Variants in TMEM43 observed in about 807,000 individuals in gnomAD.
TMEM43 encodes arrhythmogenic right ventricular dysplasia 5.
Under a neutral mutation model 49.6 loss-of-function variants are expected in TMEM43, and 45 were observed. That is an observed-to-expected ratio of 0.91 (90% CI 0.71 to 1.16). TMEM43 has a LOEUF of 1.16. Ranked by LOEUF, TMEM43 falls within the 50% of genes most tolerant of loss-of-function variation. The probability of loss-of-function intolerance (pLI) is 0.00; values close to 1 mark genes in which losing one functional copy is unlikely to be tolerated. For missense variants in TMEM43, 532 were observed against 516.6 expected, an observed-to-expected ratio of 1.03 and a Z score of -0.29; for synonymous variants, 199 against 207.8, an observed-to-expected ratio of 0.96 and a Z score of 0.36.
At chr3:14,133,197 C>T (rs899807606) in intron 6 of TMEM43, among the ~76,000 whole-genome samples, 8 of 152,106 alleles carry the variant, frequency 5.3e-5, no homozygotes, top group African/African-American at 1.4e-4. Context: ...CACACGGGGC[C>T]GGGGAAGCAT....
At chr3:14,141,050 C>T (rs910677478) in intron 11 of TMEM43, among the ~76,000 whole-genome samples, 1 of 152,210 alleles carries the variant, frequency 6.6e-6, no homozygotes, top group Non-Finnish European at 1.5e-5. Context: ...TCCTATTGGA[C>T]CAATAGTCTG....
rs2733579 is a variant in TMEM43, at chr3:14,125,335, C to T, written c.12+130C>T. On this transcript the variant is annotated intron_variant, in intron 1 of 11. Transcript: ENST00000306077. Reference sequence around the variant, plus strand: ...GCGGCTAGGCCCGCATCTCCCTCTGCTCGCCGTGTCTGTGCCTTCGCCAGC... The same window carrying T: ...GCGGCTAGGCCCGCATCTCCCTCTGTTCGCCGTGTCTGTGCCTTCGCCAGC... The T allele has an allele frequency of 0.15, 165,934 of 1,132,824 alleles. 15,210 individuals carry two copies. The highest frequency in any genetic ancestry group is 0.39 in the African/African-American group (25,630 of 65,050). The allele number at this position is 1,132,824 out of a possible 1,614,324, so 70.2% of individuals were successfully genotyped here.
intron 1 of TMEM43, among the ~76,000 whole-genome samples, chr3:14,126,273 A>G (rs1695020065): frequency 6.6e-6 from 1 of 152,190 alleles, no homozygotes; most frequent in Non-Finnish European, 1.5e-5. Context: ...CCTCAGAGGT[A>G]TTCGGAGAGA....
chr3:14,127,624 C>T (rs113354931), intron 1 of TMEM43, among the ~76,000 whole-genome samples: 8 of 152,230 alleles, frequency 5.3e-5, no homozygotes, highest in East Asian at 3.9e-4. Flanking sequence ...TATGACATCC[C>T]GCTCTTTGGG....
intron 7 of TMEM43, 25 bp from the exon 8 acceptor site, chr3:14,134,745 T>C: frequency 1.2e-6 from 2 of 1,613,832 alleles, no homozygotes; most frequent in Non-Finnish European, 1.7e-6. Flanking sequence ...GTCCCCTGGG[T>C]TTCTAACCAC....
At chr3:14,138,317 G>C (rs1363415971) in intron 10 of TMEM43, among the ~76,000 whole-genome samples, 2 of 152,178 alleles carry the variant, frequency 1.3e-5, no homozygotes, top group Non-Finnish European at 2.9e-5. Flanking sequence ...TGTCCGGGGG[G>C]TGTGGCAGGG....
intron 2 of TMEM43, among the ~76,000 whole-genome samples, chr3:14,130,460 A>T (rs1695077948): frequency 6.6e-6 from 1 of 151,928 alleles, no homozygotes; most frequent in Non-Finnish European, 1.5e-5. Flanking sequence ...ACATAGCAAG[A>T]CCCCATTTCT....
chr3:14,125,405 C>G (rs1695005159), intron 1 of TMEM43, among the ~76,000 whole-genome samples, 200 bp downstream of exon 1: 1 of 152,232 alleles, frequency 6.6e-6, no homozygotes, highest in Non-Finnish European at 1.5e-5. Context: ...TTCTTTTGTC[C>G]GTGTTCCTTG....
chr3:14,126,204 C>T (rs1695019073), intron 1 of TMEM43, among the ~76,000 whole-genome samples: 1 of 152,212 alleles, frequency 6.6e-6, no homozygotes, highest in Admixed American at 6.5e-5. Flanking sequence ...CATCCACACT[C>T]CCAGGACATT....
rs568967201 is a variant in TMEM43, at chr3:14,128,455, A to G, written c.13-957A>G. Among the ~76,000 whole-genome samples, 7 of 152,246 alleles carry G rather than the reference A, an allele frequency of 4.6e-5. No individual in the cohort carries two copies. The East Asian group carries it at 1.4e-3, about 29-fold the overall frequency. On this transcript the variant is annotated intron_variant, in intron 1 of 11. Coordinates refer to ENST00000306077, the MANE Select transcript of TMEM43 (RefSeq NM_024334.3). ...TCCCTTTAGGGATGCTCTTCCCCTA[A>G]GATCTGCCTCTAAGATTCCACTCAA... is the stretch of plus-strand genomic sequence containing the variant.
At position 14,131,026 on chromosome 3, in the gene TMEM43, T is replaced by C. The variant is rs1695088885; in HGVS notation, c.297+70T>C. 1.9e-6 allele frequency: 3 copies of C among 1,558,770 alleles called. No individual in the cohort carries two copies. The South Asian group carries it at 3.6e-5, about 19-fold the overall frequency. ...ATCCTGGATGTTGTCTGGCTGAGGA[T>C]TTGAAAGCATGGGCCTTGGAGATGG... On this transcript the variant is annotated intron_variant, in intron 3 of 11. Coordinates refer to ENST00000306077, the MANE Select transcript of TMEM43 (RefSeq NM_024334.3).
intron 6 of TMEM43, among the ~76,000 whole-genome samples, chr3:14,133,316 G>A (rs571397773): frequency 3.9e-4 from 59 of 152,328 alleles, no homozygotes; most frequent in Admixed American, 9.1e-4. Context: ...TTAGCTCCAC[G>A]GCATGCCAGT....
intron 10 of TMEM43, 63 bp downstream of exon 10, chr3:14,135,971 T>G: frequency 7.1e-7 from 1 of 1,400,112 alleles, no homozygotes; most frequent in East Asian, 2.3e-5. Context: ...CTTCCAGTGG[T>G]TATTTAATAA....
chr3:14,126,961 C>A (rs1480977979), intron 1 of TMEM43, among the ~76,000 whole-genome samples: 1 of 152,024 alleles, frequency 6.6e-6, no homozygotes, highest in Non-Finnish European at 1.5e-5. Flanking sequence ...AGCAATTTAC[C>A]CAGGCTTACA....
chr3:14,131,389 C>G (rs767922521), intron 3 of TMEM43, among the ~76,000 whole-genome samples, 191 bp from the exon 4 acceptor site: 2 of 152,272 alleles, frequency 1.3e-5, no homozygotes, highest in South Asian at 4.1e-4. Context: ...GTCACAGTCA[C>G]AGGCACTGTG....
intron 8 of TMEM43, 104 bp downstream of exon 8, chr3:14,134,995 G>A (rs190167722): frequency 1.6e-5 from 25 of 1,565,688 alleles, no homozygotes; most frequent in Middle Eastern, 1.9e-4. Flanking sequence ...GCTGCACTTG[G>A]CCAAGTGCAG....
rs539945827 is a variant in TMEM43 at position 14,139,202 on chromosome 3, G to A, written c.905G>A (p.Arg302Lys). ...CAGGAGGTGTTTCATAGAGAACTAAGGAGCAACTCCATGAAGACCTGGGGC... is the reference window on the plus strand; with the variant it reads ...CAGGAGGTGTTTCATAGAGAACTAAAGAGCAACTCCATGAAGACCTGGGGC... ...SAEEVFHREL[R>K]SNSMKTWGLR... The change falls in exon 11 of 12, where the codon AGG (arginine) becomes AAG (lysine). Residue 302 changes from arginine (R) to lysine (K), a missense_variant. Arg to Lys is a conservative substitution (Grantham distance 26). Transcript: ENST00000306077. The A allele has an allele frequency of 1.2e-6, 2 of 1,614,078 alleles. No homozygotes were observed. Among genetic ancestry groups the A allele is most frequent in the South Asian group, 1.1e-5 (1 of 91,084 alleles).
intron 1 of TMEM43, among the ~76,000 whole-genome samples, chr3:14,126,308 C>T (rs1043818265): frequency 6.6e-6 from 1 of 152,226 alleles, no homozygotes; most frequent in African/African-American, 2.4e-5. Flanking sequence ...GGCGAGAGGG[C>T]AGTCAGGAGA....
At chr3:14,138,434 A>G (rs1574940782) in intron 10 of TMEM43, among the ~76,000 whole-genome samples, 1 of 152,082 alleles carries the variant, frequency 6.6e-6, no homozygotes, top group Admixed American at 6.5e-5. Flanking sequence ...TGTGGCCTGG[A>G]CTGGATGGGG....
Sources: gnomAD v4.1 joint callset for allele counts (sites outside exome capture counted in the v4.1 genomes callset) on GRCh38, gnomAD v4.1.1 for gene constraint, MANE v1.5 for transcripts, NCBI Gene and HGNC (gene_info 2026-07-23, HGNC 2026-07-21) for gene names.